Variants in ADGRA3 observed in about 807,000 individuals in gnomAD.
ADGRA3 encodes adhesion G protein-coupled receptor A3, also known as G-protein coupled receptor 125.
ADGRA3 carries 56 observed loss-of-function variants against 119.8 expected under a neutral mutation model. The observed-to-expected ratio is 0.47, with a 90% confidence interval of 0.38 to 0.58. The LOEUF is 0.58. Ranked by LOEUF, ADGRA3 falls within the 20% of genes least tolerant of loss-of-function variation. The pLI is 0.00. For synonymous variants in ADGRA3, 607 were observed against 623.8 expected, an observed-to-expected ratio of 0.97 and a Z score of 0.40; for missense variants, 1,516 against 1,649.0, an observed-to-expected ratio of 0.92 and a Z score of 1.40.
At chr4:22,481,799 A>G (rs1993821) in intron 1 of ADGRA3, among the ~76,000 whole-genome samples, 80,752 of 151,956 alleles carry the variant, frequency 0.53, 22,358 homozygotes, top group East Asian at 0.62. Context: ...TTGATCTTTT[A>G]CAGAAAAAGT....
At chr4:22,403,277 A>G (rs1325510097) in intron 14 of ADGRA3, among the ~76,000 whole-genome samples, 1 of 152,098 alleles carries the variant, frequency 6.6e-6, no homozygotes, top group Non-Finnish European at 1.5e-5. Flanking sequence ...AAACGGACCA[A>G]ACACTGCATA....
At chr4:22,437,188 T>G (rs1716429209) in intron 8 of ADGRA3, among the ~76,000 whole-genome samples, 1 of 152,186 alleles carries the variant, frequency 6.6e-6, no homozygotes. Flanking sequence ...CTTAAAAGCA[T>G]GTACTATAAA....
intron 1 of ADGRA3, among the ~76,000 whole-genome samples, chr4:22,491,551 A>G (rs1279247682): frequency 6.6e-6 from 1 of 152,106 alleles, no homozygotes; most frequent in Non-Finnish European, 1.5e-5. Context: ...TTTAGAGAGA[A>G]TGCTCCCACC....
intron 1 of ADGRA3, among the ~76,000 whole-genome samples, chr4:22,494,508 A>G (rs1416018715): frequency 2.6e-5 from 4 of 151,976 alleles, no homozygotes; most frequent in Admixed American, 1.3e-4. Flanking sequence ...TTCTTGCACG[A>G]GCTCTATGAA....
intron 6 of ADGRA3, 198 bp from the exon 7 acceptor site, chr4:22,443,061 T>A: frequency 1.5e-6 from 1 of 683,598 alleles, no homozygotes; most frequent in Non-Finnish European, 2.6e-6. Flanking sequence ...AAAGAAACAA[T>A]TTCATAACCA....
At chr4:22,450,715 GAAATGCAATT>G (rs932707796) in intron 4 of ADGRA3, among the ~76,000 whole-genome samples, 17 of 152,122 alleles carry the variant, frequency 1.1e-4, no homozygotes, top group African/African-American at 3.4e-4. Flanking sequence ...AAAGGAAGGG[GAAATGCAATT>G]AAATGCAATC....
intron 10 of ADGRA3, among the ~76,000 whole-genome samples, chr4:22,424,906 T>C (rs1715869962): frequency 6.6e-6 from 1 of 152,066 alleles, no homozygotes; most frequent in Admixed American, 6.6e-5. Context: ...ACCCCATATC[T>C]ACTAAAAATA....
chr4:22,389,325 G>T, intron 17 of ADGRA3, 142 bp from the exon 18 acceptor site: 1 of 654,022 alleles, frequency 1.5e-6, no homozygotes, highest in South Asian at 2.0e-5. Flanking sequence ...AGTTAAGTTG[G>T]GAGGCTGATT....
At chr4:22,497,951 A>G (rs1718901989) in intron 1 of ADGRA3, among the ~76,000 whole-genome samples, 1 of 151,364 alleles carries the variant, frequency 6.6e-6, no homozygotes, top group Non-Finnish European at 1.5e-5. Flanking sequence ...CTAAAAAAAA[A>G]AAAAAAAGGC....
At chr4:22,428,690 T>C (rs923561861) in intron 10 of ADGRA3, among the ~76,000 whole-genome samples, 1 of 152,192 alleles carries the variant, frequency 6.6e-6, no homozygotes, top group Non-Finnish European at 1.5e-5. Context: ...TTTCAAGGTA[T>C]GTTATTACAC....
intron 2 of ADGRA3, among the ~76,000 whole-genome samples, chr4:22,468,871 T>TA (rs1299327249): frequency 4.0e-5 from 6 of 151,570 alleles, no homozygotes; most frequent in South Asian, 4.2e-4. Flanking sequence ...AAAAACAATC[T>TA]AAAAAAGGTA....
At chr4:22,506,134 T>C (rs1719229162) in intron 1 of ADGRA3, among the ~76,000 whole-genome samples, 1 of 152,272 alleles carries the variant, frequency 6.6e-6, no homozygotes, top group South Asian at 2.1e-4. Flanking sequence ...CCAGGGGTGC[T>C]GAAGATGGGG....
At chr4:22,392,849 T>C (rs1192994740) in intron 16 of ADGRA3, 159 bp from the exon 17 acceptor site, 7 of 593,062 alleles carry the variant, frequency 1.2e-5, no homozygotes, top group East Asian at 2.9e-5. Flanking sequence ...TGTGTTCTAA[T>C]AGACATGTGA....
chr4:22,449,428 G>A (rs1331892113), intron 4 of ADGRA3, among the ~76,000 whole-genome samples: 1 of 152,126 alleles, frequency 6.6e-6, no homozygotes, highest in Non-Finnish European at 1.5e-5. Flanking sequence ...AAACTGAAGT[G>A]CTAAGACAGG....
At chr4:22,452,006 G>C (rs1717061745) in intron 4 of ADGRA3, among the ~76,000 whole-genome samples, 1 of 152,110 alleles carries the variant, frequency 6.6e-6, no homozygotes, top group South Asian at 2.1e-4. Flanking sequence ...CAAAAATCTG[G>C]GGACAGTAGC....
intron 1 of ADGRA3, among the ~76,000 whole-genome samples, chr4:22,511,021 A>T (rs556077123): frequency 6.6e-6 from 1 of 152,238 alleles, no homozygotes; most frequent in Non-Finnish European, 1.5e-5. Flanking sequence ...GTTCTTTGAT[A>T]ACAAACATGA....
intron 2 of ADGRA3, among the ~76,000 whole-genome samples, chr4:22,467,971 C>G (rs1220684427): frequency 1.3e-5 from 2 of 152,186 alleles, no homozygotes; most frequent in Non-Finnish European, 1.5e-5. Context: ...ATGCCTTTAA[C>G]TACAAGTATC....
chr4:22,434,702 A>G (rs775232801), intron 10 of ADGRA3, among the ~76,000 whole-genome samples: 9 of 152,214 alleles, frequency 5.9e-5, no homozygotes, highest in Non-Finnish European at 1.3e-4. Context: ...CTGCTCATTC[A>G]TTCTGTAAAC....
intron 10 of ADGRA3, among the ~76,000 whole-genome samples, chr4:22,432,045 A>G (rs1412045611): frequency 6.6e-6 from 1 of 152,134 alleles, no homozygotes; most frequent in Non-Finnish European, 1.5e-5. Flanking sequence ...TGTTGAAGCC[A>G]AGCAGAGGTA....
Sources: gnomAD v4.1 joint callset for allele counts (sites outside exome capture counted in the v4.1 genomes callset) on GRCh38, gnomAD v4.1.1 for gene constraint, MANE v1.5 for transcripts, NCBI Gene and HGNC (gene_info 2026-07-23, HGNC 2026-07-21) for gene names.